The following XRRA1 variants were observed in gnomAD, a reference collection of about 807,000 sequenced individuals.
The protein encoded by XRRA1 is X-ray radiation resistance associated 1, also known as X-ray radiation resistance-associated protein 1.
A neutral mutation model predicts 80.2 loss-of-function variants in XRRA1; 69 were observed. The ratio of observed to expected loss-of-function variants is 0.86; its 90% confidence interval spans 0.71 to 1.05. XRRA1 has a LOEUF of 1.05. XRRA1 is among the 50% of genes least tolerant of loss of function. XRRA1 has a pLI of 0.00. For missense variants in XRRA1, 967 were observed against 976.4 expected, an observed-to-expected ratio of 0.99 and a Z score of 0.13; for synonymous variants, 348 against 389.9, an observed-to-expected ratio of 0.89 and a Z score of 1.27.
At chr11:74,923,034 A>G (rs527410528) in intron 7 of XRRA1, among the ~76,000 whole-genome samples, 4 of 152,354 alleles carry the variant, frequency 2.6e-5, no homozygotes, top group African/African-American at 9.6e-5. Context: ...CTGCTGGGAT[A>G]GATGTCTGAA....
At chr11:74,867,957 C>T (rs185799025) in intron 10 of XRRA1, among the ~76,000 whole-genome samples, 8 of 137,516 alleles carry the variant, frequency 5.8e-5, no homozygotes, top group East Asian at 2.1e-4. Context: ...GTCTTGCTCC[C>T]GTCATCCAGG....
intron 10 of XRRA1, among the ~76,000 whole-genome samples, chr11:74,864,361 G>A (rs2042939389): frequency 6.6e-6 from 1 of 152,146 alleles, no homozygotes. Context: ...GAGAGAAGAT[G>A]GTGGAATAGA....
chr11:74,907,374 C>T, intron 8 of XRRA1, 101 bp from the exon 9 acceptor site: 1 of 1,498,766 alleles, frequency 6.7e-7, no homozygotes, highest in Non-Finnish European at 9.0e-7. Flanking sequence ...GAGGACTAAC[C>T]AGCTTAGGAA....
At chr11:74,920,622 G>A (rs1186983387) in intron 8 of XRRA1, among the ~76,000 whole-genome samples, 1 of 152,192 alleles carries the variant, frequency 6.6e-6, no homozygotes, top group Non-Finnish European at 1.5e-5. Flanking sequence ...GAGTCTGATA[G>A]ACTTGATTCA....
intron 7 of XRRA1, among the ~76,000 whole-genome samples, chr11:74,924,247 G>A (rs543345245): frequency 1.1e-3 from 162 of 151,278 alleles, no homozygotes; most frequent in African/African-American, 3.7e-3. Context: ...AGGCCGAGAC[G>A]GGCAGATCAC....
intron 4 of XRRA1, among the ~76,000 whole-genome samples, 166 bp from the exon 5 acceptor site, chr11:74,934,038 A>G (rs79991038): frequency 0.023 from 3,446 of 152,260 alleles, 147 homozygotes; most frequent in African/African-American, 0.079. Context: ...TCATTCGCCA[A>G]ATATTTACCA....
At chr11:74,888,299 C>G (rs1463917822) in intron 10 of XRRA1, among the ~76,000 whole-genome samples, 1 of 152,168 alleles carries the variant, frequency 6.6e-6, no homozygotes, top group East Asian at 1.9e-4. Flanking sequence ...ACCGCTGATA[C>G]CCAGGCAAAC....
At chr11:74,899,221 T>G (rs1323769616) in intron 10 of XRRA1, among the ~76,000 whole-genome samples, 1 of 152,026 alleles carries the variant, frequency 6.6e-6, no homozygotes, top group African/African-American at 2.4e-5. Context: ...CAAATGATAA[T>G]GGACACAACA....
chr11:74,900,101 G>T (rs2053275368), intron 10 of XRRA1, among the ~76,000 whole-genome samples: 1 of 151,622 alleles, frequency 6.6e-6, no homozygotes, highest in Non-Finnish European at 1.5e-5. Context: ...GGAGGCGGAG[G>T]TTGCAGTGAG....
In XRRA1 at chr11:74,900,536, C is replaced by T. The variant is rs377175691; in HGVS notation, c.1003+5703G>A. On this transcript the variant is annotated intron_variant, in intron 10 of 18. Transcript: ENST00000684022. ...GGTGGAGGCTGCGGTGAGCCAAGAT[C>T]GTGCCATTGCACTCCAGCCTTGGCA... is the stretch of plus-strand genomic sequence containing the variant. Among the ~76,000 whole-genome samples the T allele has an allele frequency of 1.4e-4, 21 of 151,910 alleles. No homozygotes were observed. The East Asian group carries it at 1.6e-3, about 11-fold the overall frequency.
chr11:74,867,915 A>ATTTT (rs1230282565), intron 10 of XRRA1, among the ~76,000 whole-genome samples: 3 of 39,502 alleles, frequency 7.6e-5, no homozygotes, highest in Admixed American at 8.1e-4. Flanking sequence ...CCTATAGTCA[A>ATTTT]TCTTTTTTTT....
At chr11:74,867,370 G>C (rs1364569443) in intron 10 of XRRA1, among the ~76,000 whole-genome samples, 1 of 152,160 alleles carries the variant, frequency 6.6e-6, no homozygotes, top group Non-Finnish European at 1.5e-5. Context: ...AAATGGCCAT[G>C]TTAAGAAAGA....
At chr11:74,876,628 C>T (rs572336457) in intron 10 of XRRA1, 5 of 152,276 alleles carry the variant, frequency 3.3e-5, no homozygotes, top group African/African-American at 9.6e-5. Flanking sequence ...TTCAACCCCT[C>T]AGCGATAAAA....
intron 11 of XRRA1, among the ~76,000 whole-genome samples, chr11:74,862,440 G>A (rs1380626811): frequency 1.3e-5 from 2 of 152,220 alleles, no homozygotes; most frequent in Non-Finnish European, 1.5e-5. Context: ...ACTATTTATT[G>A]TAAATGAATA....
intron 10 of XRRA1, among the ~76,000 whole-genome samples, chr11:74,877,829 T>A (rs2046427583): frequency 6.6e-6 from 1 of 152,272 alleles, no homozygotes; most frequent in East Asian, 1.9e-4. Flanking sequence ...TCTATGGTGT[T>A]TATGTGCCAC....
chr11:74,929,537 A>T lies in XRRA1; in HGVS notation c.424+763T>A, dbSNP rs552297099. Among the ~76,000 whole-genome samples the T allele has an allele frequency of 2.6e-5, 4 of 152,256 alleles. No individual in the cohort carries two copies. The East Asian group carries it at 7.7e-4, about 29-fold the overall frequency. ...GTCCTTGATAATCCAGTCGCTGCCA[A>T]TCTGTCTAGTTTCAATTGTCCCCCA... is the stretch of plus-strand genomic sequence containing the variant. On this transcript the variant is annotated intron_variant, in intron 6 of 18. Coordinates refer to ENST00000684022, the MANE Select transcript of XRRA1 (RefSeq NM_001378157.1).
At chr11:74,944,135 A>G (rs1460112981) in intron 2 of XRRA1, among the ~76,000 whole-genome samples, 1 of 152,202 alleles carries the variant, frequency 6.6e-6, no homozygotes, top group African/African-American at 2.4e-5. Flanking sequence ...GAAGTCTTTC[A>G]TCAGTATTTC....
At position 74,842,398 on chromosome 11, in the gene XRRA1, A is replaced by C. The variant is rs1484976013; in HGVS notation, c.*802T>G. On this transcript the variant is annotated 3_prime_UTR_variant, in exon 19 of 19. Transcript: ENST00000684022. Reference sequence around the variant, plus strand: ...CCCAAGTTGAGAATACAGTAAAGGAAACTCATGAAAGTGGATGTTCTGTTT... The same window carrying C: ...CCCAAGTTGAGAATACAGTAAAGGACACTCATGAAAGTGGATGTTCTGTTT... The C allele has an allele frequency of 6.6e-6, 1 of 152,248 alleles. No individual in the cohort carries two copies. The highest frequency in any genetic ancestry group is 2.4e-5 in the African/African-American group (1 of 41,466). 9.4% of individuals were successfully genotyped at this position (152,248 alleles called of 1,614,324 possible).
intron 10 of XRRA1, among the ~76,000 whole-genome samples, chr11:74,888,278 C>G (rs1025476530): frequency 6.6e-6 from 1 of 152,178 alleles, no homozygotes; most frequent in African/African-American, 2.4e-5. Flanking sequence ...ATCTGCTGTT[C>G]TGCAGCCTCC....
Sources: gnomAD v4.1 joint callset for allele counts (sites outside exome capture counted in the v4.1 genomes callset) on GRCh38, gnomAD v4.1.1 for gene constraint, MANE v1.5 for transcripts, NCBI Gene and HGNC (gene_info 2026-07-23, HGNC 2026-07-21) for gene names.